Variants in TSHZ3 observed in about 807,000 individuals in gnomAD.
TSHZ3 encodes teashirt zinc finger homeobox 3.
TSHZ3 carries 10 observed loss-of-function variants against 64.5 expected under a neutral mutation model. The observed-to-expected ratio is 0.16, with a 90% CI of 0.10 to 0.26. TSHZ3 has a LOEUF of 0.26. TSHZ3 is among the 10% of genes least tolerant of loss of function. The probability of loss-of-function intolerance (pLI) is 1.00; values close to 1 mark genes in which losing one functional copy is unlikely to be tolerated. For missense variants in TSHZ3, 1,242 were observed against 1,421.7 expected (o/e 0.87, Z 2.03); for synonymous variants, 608 against 593.1 (o/e 1.03, Z -0.36).
chr19:31,211,679 C>T (rs910124691), intron 4 of TSHZ3, among the ~76,000 whole-genome samples: 3 of 152,188 alleles, frequency 2.0e-5, no homozygotes, highest in African/African-American at 7.2e-5. Flanking sequence ...GTGGCAAAGC[C>T]AGCCCAGGCC....
chr19:31,346,767 TC>T (rs1917604090), intron 1 of TSHZ3, among the ~76,000 whole-genome samples: 1 of 151,410 alleles, frequency 6.6e-6, no homozygotes, highest in Non-Finnish European at 1.5e-5. Context: ...ATGGGAAGTT[TC>T]TGGTCCATCC....
At chr19:31,215,584 G>A (rs939114126) in intron 4 of TSHZ3, among the ~76,000 whole-genome samples, 1 of 152,168 alleles carries the variant, frequency 6.6e-6, no homozygotes, top group Non-Finnish European at 1.5e-5. Flanking sequence ...TACAGAAAAA[G>A]GTTCTAAGCT....
At chr19:31,270,207 T>C (rs891548492), downstream of TSHZ3, among the ~76,000 whole-genome samples, 17 of 152,254 alleles carry the variant, frequency 1.1e-4, no homozygotes, top group Admixed American at 3.9e-4. Flanking sequence ...ATGTTGCCTG[T>C]GCCCATATTG....
At chr19:31,203,491 G>A (rs368321010) in intron 5 of TSHZ3, among the ~76,000 whole-genome samples, 1 of 152,126 alleles carries the variant, frequency 6.6e-6, no homozygotes, top group African/African-American at 2.4e-5. Context: ...AGGGCACAAG[G>A]TGGGGGTGGG....
At chr19:31,160,606 T>C (rs1411130851) in intron 5 of TSHZ3, among the ~76,000 whole-genome samples, 2 of 151,988 alleles carry the variant, frequency 1.3e-5, no homozygotes, top group African/African-American at 4.8e-5. Context: ...TTCTAAGGTC[T>C]TGAAGGAAAG....
chr19:31,222,573 A>G (rs548670774), intron 4 of TSHZ3, among the ~76,000 whole-genome samples: 13 of 152,254 alleles, frequency 8.5e-5, no homozygotes, highest in African/African-American at 3.1e-4. Context: ...TCCAGCTGCC[A>G]TGCTCTCAGG....
rs1976238812 is a variant in TSHZ3 at position 31,276,662 on chromosome 19, T to C, written c.3131A>G (p.Lys1044Arg). Residue 1044 changes from lysine to arginine, a missense_variant, in exon 2 of 2, where the codon AAA becomes AGA. By Grantham distance (26) the Lys-to-Arg change is conservative. Transcript: ENST00000240587. The part of the protein sequence containing the change: ...EEDLGTSYQC[K>R]LCNRTFASKH... ...GCTGGCAAAGGTCCGATTGCAAAGT[T>C]TGCACTGATAGGAAGTCCCCAGGTC... The C allele has an allele frequency of 5.6e-6, 9 of 1,613,590 alleles. No homozygotes were observed. The East Asian group carries it at 8.9e-5, about 16-fold the overall frequency.
chr19:31,174,993 C>G (rs887678581), intron 5 of TSHZ3, among the ~76,000 whole-genome samples: 1 of 152,340 alleles, frequency 6.6e-6, no homozygotes, highest in African/African-American at 2.4e-5. Flanking sequence ...TTGGGTCCCA[C>G]ACAGCAAATC....
intron 5 of TSHZ3, among the ~76,000 whole-genome samples, chr19:31,180,604 A>G (rs1355940608): frequency 6.6e-6 from 1 of 152,236 alleles, no homozygotes; most frequent in African/African-American, 2.4e-5. Context: ...TGTTGTGTTA[A>G]TAAGTGAAAA....
intron 1 of TSHZ3, among the ~76,000 whole-genome samples, chr19:31,295,882 T>C (rs928078209): frequency 6.7e-6 from 1 of 149,256 alleles, no homozygotes; most frequent in African/African-American, 2.5e-5. Flanking sequence ...ATCACCCCAG[T>C]AGTGAGCATG....
chr19:31,210,211 T>G (rs564512024), intron 4 of TSHZ3, among the ~76,000 whole-genome samples: 1 of 152,014 alleles, frequency 6.6e-6, no homozygotes, highest in East Asian at 1.9e-4. Context: ...GCTTGGCCTA[T>G]AGAGGCACAG....
chr19:31,258,752 T>C (rs1312159697), intron 1 of TSHZ3, among the ~76,000 whole-genome samples: 1 of 152,196 alleles, frequency 6.6e-6, no homozygotes, highest in African/African-American at 2.4e-5. Context: ...TGTCAATCAA[T>C]GTAGTCTCCC....
chr19:31,234,622 A>G (rs779648895), intron 3 of TSHZ3, among the ~76,000 whole-genome samples: 1 of 152,190 alleles, frequency 6.6e-6, no homozygotes, highest in Admixed American at 6.5e-5. Context: ...CTTTTGCTGC[A>G]TCTATCTACT....
At chr19:31,330,515 C>T (rs1330049348) in intron 1 of TSHZ3, among the ~76,000 whole-genome samples, 2 of 152,190 alleles carry the variant, frequency 1.3e-5, no homozygotes, top group African/African-American at 4.8e-5. Context: ...GGGTCACACC[C>T]TCGGTCAGCA....
intron 4 of TSHZ3, among the ~76,000 whole-genome samples, chr19:31,226,043 C>T (rs1201434704): frequency 6.6e-6 from 1 of 151,798 alleles, no homozygotes; most frequent in Non-Finnish European, 1.5e-5. Context: ...AGGAGAATCA[C>T]TGGAATCGGG....
intron 1 of TSHZ3, among the ~76,000 whole-genome samples, chr19:31,339,081 T>C (rs1489575754): frequency 3.9e-5 from 6 of 152,102 alleles, no homozygotes; most frequent in Non-Finnish European, 8.8e-5. Flanking sequence ...GGAACATCCA[T>C]CTTCAATAAC....
chr19:31,306,251 C>T (rs1240367674), intron 1 of TSHZ3, among the ~76,000 whole-genome samples: 1 of 152,292 alleles, frequency 6.6e-6, no homozygotes, highest in East Asian at 1.9e-4. Context: ...GGCTGGGCTG[C>T]GAGCTTCCTT....
intron 1 of TSHZ3, among the ~76,000 whole-genome samples, chr19:31,330,663 A>T (rs1427296491): frequency 2.0e-5 from 3 of 149,164 alleles, no homozygotes; most frequent in South Asian, 4.3e-4. Flanking sequence ...GGCTCAAAAC[A>T]TCAATGTGCT....
At chr19:31,172,933 C>A (rs1974556316) in intron 5 of TSHZ3, among the ~76,000 whole-genome samples, 3 of 152,124 alleles carry the variant, frequency 2.0e-5, no homozygotes, top group Non-Finnish European at 4.4e-5. Flanking sequence ...GAGGGAGTGG[C>A]AGGAGTTGGG....
Sources: gnomAD v4.1 joint callset for allele counts (sites outside exome capture counted in the v4.1 genomes callset) on GRCh38, gnomAD v4.1.1 for gene constraint, MANE v1.5 for transcripts, NCBI Gene and HGNC (gene_info 2026-07-23, HGNC 2026-07-21) for gene names.